Variants in FBN1 observed in about 807,000 individuals in gnomAD.
FBN1 encodes the protein fibrillin 1, also known as fibrillin-1.
In FBN1, 29 loss-of-function variants were observed where a neutral mutation model predicts 365.1. The observed-to-expected ratio is 0.08, with a 90% CI of 0.06 to 0.11. FBN1 has a LOEUF of 0.11. Among genes scored for constraint, FBN1 ranks in the 10% least tolerant of loss-of-function variants. The pLI, the probability that FBN1 is intolerant of heterozygous loss-of-function variation, is 1.00. For missense variants in FBN1, 2,476 were observed against 3,703.2 expected, an observed-to-expected ratio of 0.67 and a Z score of 8.60; for synonymous variants, 1,210 against 1,270.5, an observed-to-expected ratio of 0.95 and a Z score of 1.01.
intron 53 of FBN1, among the ~76,000 whole-genome samples, chr15:48,435,215 G>C (rs1259048878): frequency 2.0e-5 from 3 of 152,028 alleles, no homozygotes; most frequent in Non-Finnish European, 4.4e-5. Flanking sequence ...ATGACAGTGA[G>C]AATGACAGTG....
chr15:48,426,207 G>A (rs1470418327), intron 58 of FBN1, among the ~76,000 whole-genome samples: 1 of 152,128 alleles, frequency 6.6e-6, no homozygotes, highest in Admixed American at 6.5e-5. Flanking sequence ...CATTAAGCTT[G>A]CCTCCTGCTG....
chr15:48,464,625 T>C (rs879938977), intron 40 of FBN1, among the ~76,000 whole-genome samples: 11 of 152,292 alleles, frequency 7.2e-5, no homozygotes, highest in Non-Finnish European at 1.3e-4. Flanking sequence ...ACCTATAATA[T>C]CCTCAAAGGT....
chr15:48,435,142 T>C (rs372385633), intron 53 of FBN1, among the ~76,000 whole-genome samples: 1 of 151,998 alleles, frequency 6.6e-6, no homozygotes, highest in African/African-American at 2.4e-5. Context: ...AAAAAGGGAG[T>C]GTGCATGTCT....
Position 48,420,763 on chromosome 15 carries a change from G to A in FBN1, c.7743C>T (p.Cys2581=), listed in dbSNP as rs765772116. The change falls in exon 63 of 66, where the codon TGC becomes TGT. Residue 2581 remains cysteine (C), a synonymous_variant. Coordinates refer to ENST00000316623, the MANE Select transcript of FBN1 (RefSeq NM_000138.5). ...ACCTGTAGCCCCCAATGATGTTCTG[G>A]CAGCCATGCTGGCAGCGGTGGTTAC... The part of the protein sequence containing the change: ...CEGNHRCQHG[C]QNIIGGYRCS... 9.9e-6 allele frequency: 16 copies of A among 1,613,884 alleles called. No individual in the cohort carries two copies. In the African/African-American group the frequency reaches 2.0e-4, roughly 20 times the overall value.
At chr15:48,523,515 T>G (rs2043878531) in intron 9 of FBN1, among the ~76,000 whole-genome samples, 1 of 152,260 alleles carries the variant, frequency 6.6e-6, no homozygotes, top group Admixed American at 6.5e-5. Flanking sequence ...TTTTCTAATT[T>G]ATTTTTTTGC....
intron 6 of FBN1, among the ~76,000 whole-genome samples, chr15:48,571,885 T>C (rs538900708): frequency 7.2e-4 from 110 of 152,336 alleles, no homozygotes; most frequent in African/African-American, 2.6e-3. Context: ...CACAGGGTTA[T>C]ATAGTATTTT....
chr15:48,550,142 C>T (rs954041600), intron 6 of FBN1, among the ~76,000 whole-genome samples: 1 of 152,228 alleles, frequency 6.6e-6, no homozygotes, highest in African/African-American at 2.4e-5. Context: ...GAGTTAGACA[C>T]ATCACTCTCT....
At position 48,486,539 on chromosome 15, in the gene FBN1, A is replaced by G. The variant is rs531359649; in HGVS notation, c.3589+536T>C. Among the ~76,000 whole-genome samples the G allele has an allele frequency of 9.2e-5, 14 of 152,352 alleles. No individual in the cohort carries two copies. In the South Asian group the frequency reaches 2.9e-3, roughly 32 times the overall value. ...CCCACAAAAACCCATCTTTAAGGAG[A>G]GCCAGGCATAGCCTCAATTGCAGTG... On this transcript the variant is annotated intron_variant, in intron 29 of 65. Transcript: ENST00000316623.
At chr15:48,600,704 GA>G (rs962529062) in intron 4 of FBN1, among the ~76,000 whole-genome samples, 12 of 150,926 alleles carry the variant, frequency 8.0e-5, no homozygotes, top group African/African-American at 2.7e-4. Context: ...GCGAAAGAAA[GA>G]AAAAAAAATC....
chr15:48,575,322 TG>T (rs1360859959), intron 6 of FBN1, among the ~76,000 whole-genome samples: 6 of 868 alleles, frequency 6.9e-3, no homozygotes, highest in African/African-American at 0.013. Flanking sequence ...TATTTACATA[TG>T]TATGTATGTA....
At chr15:48,522,121 C>T (rs1057187783) in intron 9 of FBN1, among the ~76,000 whole-genome samples, 1 of 152,122 alleles carries the variant, frequency 6.6e-6, no homozygotes, top group Non-Finnish European at 1.5e-5. Context: ...GAATCTAATG[C>T]CTGATGATCT....
At chr15:48,546,154 T>C (rs2044091757) in intron 6 of FBN1, among the ~76,000 whole-genome samples, 1 of 152,350 alleles carries the variant, frequency 6.6e-6, no homozygotes, top group South Asian at 2.1e-4. Context: ...CAAATACTTA[T>C]TGAGCCACAA....
chr15:48,465,484 C>T, intron 40 of FBN1, 84 bp downstream of exon 40: 1 of 1,522,900 alleles, frequency 6.6e-7, no homozygotes, highest in South Asian at 1.1e-5. Context: ...CTGCTAAATT[C>T]TATTTTCCTA....
chr15:48,498,240 A>G (rs1016384697), intron 18 of FBN1, among the ~76,000 whole-genome samples: 2 of 151,926 alleles, frequency 1.3e-5, no homozygotes, highest in African/African-American at 2.4e-5. Flanking sequence ...CTTATTCGTT[A>G]TAAGTTTCCT....
Position 48,607,383 on chromosome 15 carries a change from T to TAC in FBN1, c.346+3344_346+3345insGT, listed in dbSNP as rs942197702. 3.4e-5 allele frequency among the ~76,000 whole-genome samples: 5 copies of TAC among 146,102 alleles called. 1 individual carries two copies. The highest frequency in any genetic ancestry group is 1.2e-4 in the African/African-American group (5 of 40,412). On this transcript the variant is annotated intron_variant, in intron 4 of 65. Coordinates refer to ENST00000316623, the MANE Select transcript of FBN1 (RefSeq NM_000138.5). ...ATACATATACATATATATATATATATATATTATTGTCTAAATGTTTGTGTC... is the reference window on the plus strand; with the variant it reads ...ATACATATACATATATATATATATATACATATTATTGTCTAAATGTTTGTGTC...
chr15:48,516,427 A>G (rs2043803266), intron 10 of FBN1, 65 bp from the exon 11 acceptor site: 1 of 1,477,144 alleles, frequency 6.8e-7, no homozygotes, highest in Non-Finnish European at 9.4e-7. Flanking sequence ...AGGCCCACAG[A>G]AGTCATCCTT....
rs117852426 is a variant in FBN1 at position 48,479,912 on chromosome 15, T to C, written c.3964+1743A>G. On this transcript the variant is annotated intron_variant, in intron 32 of 65. Transcript: ENST00000316623. ...ACAACAAAACAATGGACAATAGATATAGACTAGAAGCAATGGCTTTCACTA... is the reference window on the plus strand; with the variant it reads ...ACAACAAAACAATGGACAATAGATACAGACTAGAAGCAATGGCTTTCACTA... Among the ~76,000 whole-genome samples, 425 of 152,294 alleles carry C rather than the reference T, an allele frequency of 2.8e-3. 1 individual carries two copies. The highest frequency in any genetic ancestry group is 4.0e-3 in the Non-Finnish European group (273 of 68,008).
intron 6 of FBN1, 52 bp downstream of exon 6, chr15:48,596,231 A>G (rs947274933): frequency 1.3e-6 from 2 of 1,520,142 alleles, no homozygotes; most frequent in African/African-American, 2.7e-5. Context: ...CAAATTAGTA[A>G]CAGCTTTAGG....
In FBN1 at chr15:48,546,926, A is replaced by G. The variant is rs1845143178; in HGVS notation, c.539-9118T>C. On this transcript the variant is annotated intron_variant, in intron 6 of 65. Coordinates refer to ENST00000316623, the MANE Select transcript of FBN1 (RefSeq NM_000138.5). ...TCACTGAATAAATGGTCATTTGCTG[A>G]AACGGGGAAACTAGGGAAGATTAGG... Among the ~76,000 whole-genome samples the G allele has an allele frequency of 1.3e-5, 2 of 152,178 alleles. 1 individual carries two copies. The highest frequency in any genetic ancestry group is 1.3e-4 in the Admixed American group (2 of 15,286).
Sources: gnomAD v4.1 joint callset for allele counts (sites outside exome capture counted in the v4.1 genomes callset) on GRCh38, gnomAD v4.1.1 for gene constraint, MANE v1.5 for transcripts, NCBI Gene and HGNC (gene_info 2026-07-23, HGNC 2026-07-21) for gene names.